Variants in SLCO6A1 observed in about 807,000 individuals in gnomAD.
SLCO6A1 encodes the protein cancer/testis antigen 48.
Under a neutral mutation model 72.7 loss-of-function variants are expected in SLCO6A1, and 65 were observed. The ratio of observed to expected loss-of-function variants is 0.89; its 90% confidence interval spans 0.73 to 1.10. The LOEUF (loss-of-function observed/expected upper bound fraction) is 1.10. Ranked by LOEUF, SLCO6A1 falls within the 50% of genes least tolerant of loss-of-function variation. The pLI is 0.00. For synonymous variants in SLCO6A1, 314 were observed against 298.2 expected (o/e 1.05, Z -0.55); for missense variants, 874 against 872.6 (o/e 1.00, Z -0.02).
chr5:102,491,842 C>T (rs1034111932), intron 1 of SLCO6A1, among the ~76,000 whole-genome samples: 5 of 152,250 alleles, frequency 3.3e-5, no homozygotes, highest in South Asian at 4.1e-4. Flanking sequence ...CCAGAGTGGG[C>T]GCCAAGGCGG....
At chr5:102,491,086 C>G (rs1330269212) in intron 1 of SLCO6A1, among the ~76,000 whole-genome samples, 1 of 152,124 alleles carries the variant, frequency 6.6e-6, no homozygotes, top group East Asian at 1.9e-4. Context: ...CATGTCCCCA[C>G]TAGATTAGCT....
At chr5:102,492,953 T>C (rs1000922476) in intron 1 of SLCO6A1, among the ~76,000 whole-genome samples, 2 of 152,092 alleles carry the variant, frequency 1.3e-5, no homozygotes, top group African/African-American at 4.8e-5. Flanking sequence ...AGACTCCACC[T>C]CTAGGGGCAG....
intron 7 of SLCO6A1, among the ~76,000 whole-genome samples, chr5:102,425,633 A>T (rs1748851125): frequency 6.6e-6 from 1 of 152,212 alleles, no homozygotes; most frequent in South Asian, 2.1e-4. Flanking sequence ...ACAGAAGCAC[A>T]TGGAAAAACA....
At chr5:102,445,244 C>T (rs1750046122) in intron 6 of SLCO6A1, among the ~76,000 whole-genome samples, 1 of 152,104 alleles carries the variant, frequency 6.6e-6, no homozygotes, top group Non-Finnish European at 1.5e-5. Context: ...TATTTTTCCA[C>T]TTTTTAAAAT....
chr5:102,420,999 C>T (rs1748565357), intron 7 of SLCO6A1, among the ~76,000 whole-genome samples: 1 of 152,084 alleles, frequency 6.6e-6, no homozygotes, highest in Non-Finnish European at 1.5e-5. Context: ...ATCACCTCAC[C>T]CGAGAAGCAG....
intron 7 of SLCO6A1, among the ~76,000 whole-genome samples, chr5:102,426,731 C>A (rs1024437109): frequency 2.1e-4 from 32 of 152,086 alleles, no homozygotes; most frequent in African/African-American, 7.5e-4. Context: ...AGGGTCTACA[C>A]CAGAAATACT....
intron 8 of SLCO6A1, among the ~76,000 whole-genome samples, chr5:102,416,489 T>C (rs768795770): frequency 3.9e-5 from 6 of 152,014 alleles, no homozygotes; most frequent in Non-Finnish European, 7.4e-5. Context: ...GACAGACAAA[T>C]ATCACATGTT....
At chr5:102,451,458 C>A (rs556573149) in intron 6 of SLCO6A1, among the ~76,000 whole-genome samples, 1 of 152,176 alleles carries the variant, frequency 6.6e-6, no homozygotes, top group Admixed American at 6.5e-5. Context: ...AGAAACACAG[C>A]TGCTAGCATA....
chr5:102,376,753 T>C (rs1745819207), intron 12 of SLCO6A1, among the ~76,000 whole-genome samples: 1 of 152,196 alleles, frequency 6.6e-6, no homozygotes, highest in Non-Finnish European at 1.5e-5. Context: ...ATTCATGAGA[T>C]AGAGCATCTG....
chr5:102,498,398 A>T, intron 1 of SLCO6A1, 89 bp downstream of exon 1: 2 of 1,302,520 alleles, frequency 1.5e-6, no homozygotes, highest in Non-Finnish European at 2.1e-6. Flanking sequence ...GGGCCACCCC[A>T]GGGCGTCCTC....
intron 7 of SLCO6A1, among the ~76,000 whole-genome samples, chr5:102,436,598 G>C (rs1203080862): frequency 6.6e-6 from 1 of 152,164 alleles, no homozygotes. Context: ...TAAGCAAGCT[G>C]TGGCATACTC....
chr5:102,444,091 A>C (rs573948267), intron 6 of SLCO6A1, among the ~76,000 whole-genome samples: 3 of 152,280 alleles, frequency 2.0e-5, no homozygotes, highest in African/African-American at 7.2e-5. Flanking sequence ...ACTTAGTAAG[A>C]GTCTGAAATA....
In SLCO6A1 at chr5:102,417,613, G is replaced by C. The variant is rs555639884; in HGVS notation, c.1472+2213C>G. Among the ~76,000 whole-genome samples, 4 of 151,998 alleles carry C rather than the reference G, an allele frequency of 2.6e-5. No individual in the cohort carries two copies. In the South Asian group the frequency reaches 8.3e-4, roughly 32 times the overall value. The stretch of plus-strand genomic sequence containing the variant: ...GTAAACCCATATTACATATTTTTCT[G>C]TTTTAAATAATTATTTTCAAAGAGA... On this transcript the variant is annotated intron_variant, in intron 8 of 13. Coordinates refer to ENST00000506729, the MANE Select transcript of SLCO6A1 (RefSeq NM_173488.5).
chr5:102,413,928 A>G (rs1387549214), intron 8 of SLCO6A1, among the ~76,000 whole-genome samples: 1 of 152,064 alleles, frequency 6.6e-6, no homozygotes, highest in Non-Finnish European at 1.5e-5. Flanking sequence ...ATCTGTTCAA[A>G]TCATTTGCCT....
intron 1 of SLCO6A1, among the ~76,000 whole-genome samples, chr5:102,484,833 T>G (rs1752370771): frequency 6.6e-6 from 1 of 152,222 alleles, no homozygotes; most frequent in Non-Finnish European, 1.5e-5. Flanking sequence ...CTATCCTTAA[T>G]AAAATGTGAT....
chr5:102,413,175 A>G (rs913085578), intron 8 of SLCO6A1, 32 bp from the exon 9 acceptor site: 11 of 1,516,102 alleles, frequency 7.3e-6, no homozygotes, highest in Non-Finnish European at 8.8e-6. Flanking sequence ...TAATCATATT[A>G]CCATTGTTTT....
intron 10 of SLCO6A1, among the ~76,000 whole-genome samples, chr5:102,398,266 G>A (rs555304022): frequency 3.3e-5 from 5 of 151,804 alleles, no homozygotes; most frequent in South Asian, 4.2e-4. Flanking sequence ...TGCAGCCTCC[G>A]CCCCGAGTTC....
At chr5:102,449,313 C>T (rs1189540870) in intron 6 of SLCO6A1, among the ~76,000 whole-genome samples, 2 of 152,034 alleles carry the variant, frequency 1.3e-5, no homozygotes, top group Non-Finnish European at 2.9e-5. Context: ...TTTGCATTGA[C>T]CTTGGAAGAT....
intron 1 of SLCO6A1, 98 bp downstream of exon 1, chr5:102,498,389 G>T: frequency 8.3e-7 from 1 of 1,205,154 alleles, no homozygotes; most frequent in Non-Finnish European, 1.2e-6. Flanking sequence ...GGGCATGCTG[G>T]GCCACCCCAG....
Sources: allele counts gnomAD v4.1 joint callset (sites outside exome capture counted in the v4.1 genomes callset), GRCh38; gene constraint gnomAD v4.1.1; transcripts MANE v1.5; gene names NCBI Gene and HGNC (gene_info 2026-07-23, HGNC 2026-07-21).